Variants in COL5A1 observed in about 807,000 individuals in gnomAD.
The protein encoded by COL5A1 is collagen type V alpha 1 chain.
In COL5A1, 16 loss-of-function variants were observed where a neutral mutation model predicts 263.7. The ratio of observed to expected loss-of-function variants is 0.06; its 90% CI spans 0.04 to 0.09. The LOEUF is 0.09. Ranked by LOEUF, COL5A1 falls within the 10% of genes least tolerant of loss-of-function variation. The probability of loss-of-function intolerance (pLI) is 1.00; values close to 1 mark genes in which losing one functional copy is unlikely to be tolerated. For synonymous variants in COL5A1, 1,012 were observed against 1,004.5 expected (o/e 1.01, Z -0.14); for missense variants, 2,036 against 2,540.5 (o/e 0.80, Z 4.27).
intron 4 of COL5A1, among the ~76,000 whole-genome samples, chr9:134,717,884 TG>T (rs955664026): frequency 6.8e-6 from 1 of 146,942 alleles, no homozygotes; most frequent in Admixed American, 6.7e-5. Context: ...CAGGCAGTCA[TG>T]GGGGGGCTGG....
chr9:134,808,541 G>A (rs1243172201), intron 42 of COL5A1, among the ~76,000 whole-genome samples: 1 of 152,226 alleles, frequency 6.6e-6, no homozygotes, highest in Non-Finnish European at 1.5e-5. Flanking sequence ...ATGTCCTTGT[G>A]TGTACATGTT....
At chr9:134,839,202 T>TGG (rs1564190227) in intron 65 of COL5A1, among the ~76,000 whole-genome samples, 1 of 152,144 alleles carries the variant, frequency 6.6e-6, no homozygotes, top group Non-Finnish European at 1.5e-5. Context: ...GAGGCACAAA[T>TGG]CACCTGCAAG....
chr9:134,827,927 G>A (rs542697237), intron 63 of COL5A1, among the ~76,000 whole-genome samples: 8 of 152,244 alleles, frequency 5.3e-5, no homozygotes, highest in African/African-American at 7.2e-5. Flanking sequence ...TCTGGGTGGC[G>A]TGAGAGGCAG....
intron 28 of COL5A1, 74 bp from the exon 29 acceptor site, chr9:134,782,593 T>A (rs748702096): frequency 1.4e-6 from 2 of 1,402,788 alleles, no homozygotes; most frequent in Non-Finnish European, 2.0e-6. Context: ...TGTGGTTGTT[T>A]GGAGCGGGGA....
chr9:134,674,889 GAA>G (rs1282490723), intron 1 of COL5A1, among the ~76,000 whole-genome samples: 1 of 151,386 alleles, frequency 6.6e-6, no homozygotes, highest in Non-Finnish European at 1.5e-5. Context: ...TCAAAAAAAA[GAA>G]AAAGAATGAA....
chr9:134,725,463 C>G (rs1040890850), intron 4 of COL5A1, among the ~76,000 whole-genome samples: 1 of 152,158 alleles, frequency 6.6e-6, no homozygotes, highest in African/African-American at 2.4e-5. Flanking sequence ...TGATTATGGT[C>G]AAAAGATCCT....
intron 2 of COL5A1, among the ~76,000 whole-genome samples, chr9:134,694,282 C>T (rs1051057019): frequency 1.3e-5 from 2 of 152,114 alleles, no homozygotes; most frequent in Non-Finnish European, 2.9e-5. Flanking sequence ...GGAGCCTCCA[C>T]CTGGGTGCAG....
Position 134,716,998 on chromosome 9 carries a change from G to A in COL5A1, c.655-10268G>A, listed in dbSNP as rs1464182504. Among the ~76,000 whole-genome samples the A allele has an allele frequency of 6.8e-6, 1 of 147,764 alleles. No homozygotes were observed. Among genetic ancestry groups the A allele is most frequent in the Non-Finnish European group, 1.5e-5 (1 of 66,574 alleles). On this transcript the variant is annotated intron_variant, in intron 4 of 65. Transcript: ENST00000371817. The surrounding 1 kb of genome is among the most constrained non-coding windows in gnomAD (Gnocchi z 4.5). ...TGTGAAACTCGTTCTCACAGGTGCTGTGAAAACCATGGAAAAAATTATTTA... is the reference window on the plus strand; with the variant it reads ...TGTGAAACTCGTTCTCACAGGTGCTATGAAAACCATGGAAAAAATTATTTA...
intron 4 of COL5A1, among the ~76,000 whole-genome samples, chr9:134,711,707 A>G (rs1834047377): frequency 6.6e-6 from 1 of 152,096 alleles, no homozygotes; most frequent in South Asian, 2.1e-4. Flanking sequence ...ACTTAGGTGA[A>G]GAGGGGCACG....
chr9:134,773,940 C>G (rs1305464770), intron 26 of COL5A1, among the ~76,000 whole-genome samples: 4 of 152,190 alleles, frequency 2.6e-5, no homozygotes, highest in Middle Eastern at 3.2e-3. Flanking sequence ...CCCGCTGCCT[C>G]CAGTGGGGAG....
rs147993049 is a variant in COL5A1, at chr9:134,681,697, C to G, written c.110-9215C>G. Among the ~76,000 whole-genome samples the G allele has an allele frequency of 8.3e-4, 127 of 152,324 alleles. No individual in the cohort carries two copies. In the Middle Eastern group the frequency reaches 0.017, roughly 20 times the overall value. ...CTGCCCTGTACCTCGATTCCTCTTT[C>G]CCAATGAAGGCTCTTAGCCCAGATG... On this transcript the variant is annotated intron_variant, in intron 1 of 65. Transcript: ENST00000371817. The surrounding 1 kb of genome is among the most constrained non-coding windows in gnomAD (Gnocchi z 4.3).
At chr9:134,784,591 AAGC>A (rs1215163965) in intron 29 of COL5A1, among the ~76,000 whole-genome samples, 1 of 152,226 alleles carries the variant, frequency 6.6e-6, no homozygotes, top group South Asian at 2.1e-4. Flanking sequence ...GGGGTTTCAG[AAGC>A]AGCAGCAGCT....
At chr9:134,773,686 AG>A (rs1836948095) in intron 26 of COL5A1, among the ~76,000 whole-genome samples, 3 of 152,132 alleles carry the variant, frequency 2.0e-5, no homozygotes, top group Non-Finnish European at 4.4e-5. Context: ...CCCCTTGCCA[AG>A]GGTGTGGTAG....
In COL5A1 at chr9:134,831,645, C is replaced by T. The variant is rs575356691; in HGVS notation, c.5136+1601C>T. On this transcript the variant is annotated intron_variant, in intron 64 of 65. Coordinates refer to ENST00000371817, the MANE Select transcript of COL5A1 (RefSeq NM_000093.5). ...ATTCTGCAGTCTTGCGGGTAGTTAC[C>T]GCCTGCGCTTGGCACTGCCCTCTCC... Among the ~76,000 whole-genome samples, 10 of 152,302 alleles carry T rather than the reference C, an allele frequency of 6.6e-5. 1 individual carries two copies. Among genetic ancestry groups the T allele is most frequent in the East Asian group, 3.9e-4 (2 of 5,178 alleles).
rs1204703012 is a variant in COL5A1, at chr9:134,842,553, C to T, written c.*250C>T. 3.0e-5 allele frequency: 18 copies of T among 595,176 alleles called. No individual in the cohort carries two copies. The highest frequency in any genetic ancestry group is 4.5e-4 in the Middle Eastern group (1 of 2,206). The allele number at this position is 595,176 out of a possible 1,614,324, so 36.9% of individuals were successfully genotyped here. A position where few individuals can be genotyped will look rare whatever the true frequency, so the allele number is the denominator to read the frequency against. On this transcript the variant is annotated 3_prime_UTR_variant, in exon 66 of 66. Coordinates refer to ENST00000371817, the MANE Select transcript of COL5A1 (RefSeq NM_000093.5). The surrounding 1 kb of genome is among the most constrained non-coding windows in gnomAD (Gnocchi z 5.8). ...CACCCCAGCGCCTGGGCCCGCCCCA[C>T]GCTCTGTCCACACCCACGCGCCCCG...
In COL5A1 at chr9:134,804,497, C is replaced by A. The variant is rs9697075; in HGVS notation, c.3115-478C>A. ...TCTGAGCACGGTCTTACAAGGAGCC[C>A]CAAATCTATGGAAAAGATAGACGTG... On this transcript the variant is annotated intron_variant, in intron 39 of 65. Coordinates refer to ENST00000371817, the MANE Select transcript of COL5A1 (RefSeq NM_000093.5). Among the ~76,000 whole-genome samples the A allele has an allele frequency of 5.0e-3, 757 of 152,320 alleles. 3 individuals are homozygous for A. Among genetic ancestry groups the A allele is most frequent in the African/African-American group, 0.017 (691 of 41,562 alleles).
rs552895161 is a variant in COL5A1, at chr9:134,732,712, C to T, written c.1389+585C>T. 1.0e-4 allele frequency: 18 copies of T among 177,468 alleles called. No individual in the cohort carries two copies. The South Asian group carries it at 1.7e-3, about 17-fold the overall frequency. The allele number at this position is 177,468 out of a possible 1,614,324, so 11.0% of individuals were successfully genotyped here. A position where few individuals can be genotyped will look rare whatever the true frequency, so the allele number is the denominator to read the frequency against. ...CCAACTATGTTAGGTAATGAGATCACGGGTGAGTTCAAAAAGTTACTGTTG... is the reference window on the plus strand; with the variant it reads ...CCAACTATGTTAGGTAATGAGATCATGGGTGAGTTCAAAAAGTTACTGTTG... On this transcript the variant is annotated intron_variant, in intron 9 of 65. Coordinates refer to ENST00000371817, the MANE Select transcript of COL5A1 (RefSeq NM_000093.5).
At chr9:134,769,939 A>G (rs1414118118) in intron 25 of COL5A1, among the ~76,000 whole-genome samples, 2 of 152,168 alleles carry the variant, frequency 1.3e-5, no homozygotes, top group African/African-American at 4.8e-5. Context: ...TCCCCTCCCC[A>G]TGTTGAAACC....
rs146169096 is a variant in COL5A1, at chr9:134,767,459, C to T, written c.2232+105C>T. ...GTATCCACCAGCTCTCAATGTATAT[C>T]TTGGTGCTCCCAAGAGACGCCAAAG... is the stretch of plus-strand genomic sequence containing the variant. On this transcript the variant is annotated intron_variant, in intron 24 of 65. Coordinates refer to ENST00000371817, the MANE Select transcript of COL5A1 (RefSeq NM_000093.5). The T allele has an allele frequency of 1.1e-3, 1,189 of 1,071,876 alleles. 18 individuals carry two copies. The East Asian group carries it at 0.026, about 23-fold the overall frequency. 66.4% of individuals were successfully genotyped at this position (1,071,876 alleles called of 1,614,324 possible).
Sources: allele counts gnomAD v4.1 joint callset (sites outside exome capture counted in the v4.1 genomes callset), GRCh38; gene constraint gnomAD v4.1.1; non-coding constraint Gnocchi (gnomAD v3.1); transcripts MANE v1.5; gene names NCBI Gene and HGNC (gene_info 2026-07-23, HGNC 2026-07-21).